The following OCA2 variants were observed in gnomAD, a reference collection of about 807,000 sequenced individuals.
OCA2 encodes the protein P protein.
OCA2 carries 77 observed loss-of-function variants against 100.2 expected under a neutral mutation model. The ratio of observed to expected loss-of-function variants is 0.77; its 90% CI spans 0.64 to 0.93. The LOEUF is 0.93. OCA2 is among the 40% of genes least tolerant of loss of function. The pLI is 0.00. For synonymous variants in OCA2, 432 were observed against 439.2 expected, an observed-to-expected ratio of 0.98 and a Z score of 0.21; for missense variants, 1,062 against 1,089.1, an observed-to-expected ratio of 0.98 and a Z score of 0.35.
chr15:27,981,388 G>A (rs998174922), intron 14 of OCA2, among the ~76,000 whole-genome samples: 4 of 152,186 alleles, frequency 2.6e-5, no homozygotes, highest in African/African-American at 9.7e-5. Context: ...TTGGTTGCCA[G>A]ACATTGCAAA....
intron 23 of OCA2, among the ~76,000 whole-genome samples, chr15:27,772,212 A>C (rs921548913): frequency 3.9e-5 from 6 of 152,346 alleles, no homozygotes; most frequent in Middle Eastern, 3.4e-3. Context: ...TCTGCTAAGA[A>C]ATTTAAAATG....
intron 18 of OCA2, among the ~76,000 whole-genome samples, chr15:27,927,297 A>T (rs1300797218): frequency 6.6e-6 from 1 of 152,146 alleles, no homozygotes; most frequent in East Asian, 1.9e-4. Context: ...CTCAAAAACA[A>T]AAAAAAGATC....
intron 14 of OCA2, among the ~76,000 whole-genome samples, chr15:27,970,394 G>A (rs1350966315): frequency 3.3e-5 from 5 of 152,222 alleles, no homozygotes; most frequent in East Asian, 1.9e-4. Flanking sequence ...AAGGGAGTGG[G>A]GGAAAAGCAG....
intron 16 of OCA2, among the ~76,000 whole-genome samples, chr15:27,955,729 G>C (rs1449654272): frequency 1.3e-5 from 2 of 152,140 alleles, no homozygotes; most frequent in African/African-American, 2.4e-5. Flanking sequence ...GGGGGGCCGA[G>C]GGGGAAGGAT....
rs550041662 is a variant in OCA2 at position 27,797,783 on chromosome 15, G to A, written c.2433-42311C>T. Among the ~76,000 whole-genome samples the A allele has an allele frequency of 1.8e-4, 27 of 152,316 alleles. No homozygotes were observed. The South Asian group carries it at 3.7e-3, about 21-fold the overall frequency. ...AGGAGGATGAGCTGCAGAGAGACTG[G>A]AGGGCGAGGAGTAACGGGAAACACA... On this transcript the variant is annotated intron_variant, in intron 23 of 23. Coordinates refer to ENST00000354638, the MANE Select transcript of OCA2 (RefSeq NM_000275.3).
At chr15:27,837,399 C>T (rs1217174844) in intron 23 of OCA2, among the ~76,000 whole-genome samples, 3 of 152,148 alleles carry the variant, frequency 2.0e-5, no homozygotes, top group Admixed American at 6.5e-5. Context: ...GGTTAAGCTA[C>T]GTGGGCAGCC....
intron 14 of OCA2, among the ~76,000 whole-genome samples, chr15:27,978,730 G>C (rs139814438): frequency 6.6e-6 from 1 of 151,090 alleles, no homozygotes; most frequent in Non-Finnish European, 1.5e-5. Flanking sequence ...TCGTCACCCA[G>C]GCTGGAGTGC....
At chr15:27,759,940 A>T (rs979585771) in intron 23 of OCA2, among the ~76,000 whole-genome samples, 1 of 152,164 alleles carries the variant, frequency 6.6e-6, no homozygotes, top group Admixed American at 6.5e-5. Flanking sequence ...AGCAAGACAG[A>T]TCATATCCTG....
intron 21 of OCA2, among the ~76,000 whole-genome samples, chr15:27,863,933 A>G (rs2036226582): frequency 6.6e-6 from 1 of 152,130 alleles, no homozygotes. Flanking sequence ...CACAGTGGAT[A>G]ATCTTCTCTC....
At chr15:27,970,163 A>C (rs1027016925) in intron 14 of OCA2, among the ~76,000 whole-genome samples, 1 of 152,022 alleles carries the variant, frequency 6.6e-6, no homozygotes, top group Non-Finnish European at 1.5e-5. Context: ...AGATCCCAGC[A>C]AGCTGAAAAC....
chr15:27,861,849 C>T (rs758281385), intron 21 of OCA2, among the ~76,000 whole-genome samples: 9 of 152,060 alleles, frequency 5.9e-5, no homozygotes, highest in East Asian at 1.9e-4. Context: ...AGTCTGGATC[C>T]GCCTGCGAAT....
chr15:28,017,231 A>G (rs2042425994), intron 7 of OCA2, among the ~76,000 whole-genome samples: 3 of 152,264 alleles, frequency 2.0e-5, no homozygotes, highest in East Asian at 3.9e-4. Flanking sequence ...ATCTGGGGGG[A>G]AAAATCCTTT....
chr15:28,086,414 C>T (rs183187526), intron 1 of OCA2, among the ~76,000 whole-genome samples: 1 of 152,194 alleles, frequency 6.6e-6, no homozygotes, highest in Non-Finnish European at 1.5e-5. Context: ...GAATCCTTCC[C>T]CATCTTGGGG....
chr15:27,889,167 T>C (rs1475828191), intron 19 of OCA2, among the ~76,000 whole-genome samples: 2 of 152,186 alleles, frequency 1.3e-5, no homozygotes, highest in East Asian at 1.9e-4. Context: ...AAGGTTGGGA[T>C]ACATTCTCAA....
chr15:27,949,152 T>A (rs1456053312), intron 18 of OCA2, among the ~76,000 whole-genome samples: 2 of 152,256 alleles, frequency 1.3e-5, no homozygotes, highest in Admixed American at 1.3e-4. Context: ...GAAGGAATGT[T>A]ATCTGATGTC....
Position 28,078,403 on chromosome 15 carries a change from T to TA in OCA2, c.227+3244dup, listed in dbSNP as rs146544572. ...ATCCCTGAGAGTGGGCTGGACCTAG[T>TA]AGTGACTGGCTTCTAACCAACAGAA... is the stretch of plus-strand genomic sequence containing the variant. On this transcript the variant is annotated intron_variant, in intron 2 of 23. Transcript: ENST00000354638. 8.8e-3 allele frequency among the ~76,000 whole-genome samples: 1,346 copies of TA among 152,318 alleles called. 53 individuals carry two copies. The highest frequency in any genetic ancestry group is 0.068 in the Admixed American group (1,038 of 15,292).
intron 5 of OCA2, among the ~76,000 whole-genome samples, chr15:28,024,223 G>A (rs928719318): frequency 1.3e-5 from 2 of 152,150 alleles, no homozygotes; most frequent in African/African-American, 4.8e-5. Flanking sequence ...ACCGCCCACT[G>A]CCATGGGCTC....
chr15:27,983,027 T>G (rs2041218573), intron 14 of OCA2, among the ~76,000 whole-genome samples: 1 of 152,250 alleles, frequency 6.6e-6, no homozygotes, highest in Non-Finnish European at 1.5e-5. Flanking sequence ...CAGGTCATTT[T>G]GTTTTTAATG....
chr15:27,785,818 T>C (rs564326566), intron 23 of OCA2, among the ~76,000 whole-genome samples: 1 of 152,256 alleles, frequency 6.6e-6, no homozygotes, highest in South Asian at 2.1e-4. Context: ...TTATTCATAA[T>C]AGCCAAAAGG....
Sources: allele counts gnomAD v4.1 joint callset (sites outside exome capture counted in the v4.1 genomes callset), GRCh38; gene constraint gnomAD v4.1.1; transcripts MANE v1.5; gene names NCBI Gene and HGNC (gene_info 2026-07-23, HGNC 2026-07-21).